Variants in TAFA1 observed in about 807,000 individuals in gnomAD.
The protein encoded by TAFA1 is TAFA chemokine like family member 1, also known as chemokine-like protein TAFA-1.
Under a neutral mutation model 18.5 loss-of-function variants are expected in TAFA1, and 4 were observed. The observed-to-expected ratio is 0.22, with a 90% CI of 0.11 to 0.49. TAFA1 has a LOEUF of 0.49. TAFA1 is among the 20% of genes least tolerant of loss of function. The pLI is 0.98. For missense variants in TAFA1, 147 were observed against 169.0 expected (o/e 0.87, Z 0.72); for synonymous variants, 56 against 55.2 (o/e 1.01, Z -0.06).
At chr3:68,190,749 G>C (rs976366430) in intron 2 of TAFA1, among the ~76,000 whole-genome samples, 1 of 151,878 alleles carries the variant, frequency 6.6e-6, no homozygotes, top group South Asian at 2.1e-4. Flanking sequence ...ACACCATGTG[G>C]GCTGTTAAGT....
intron 2 of TAFA1, among the ~76,000 whole-genome samples, chr3:68,275,902 G>C (rs1382485551): frequency 6.6e-6 from 1 of 152,074 alleles, no homozygotes; most frequent in African/African-American, 2.4e-5. Context: ...GTTTGCTAAG[G>C]ATTAGGGGCT....
intron 2 of TAFA1, among the ~76,000 whole-genome samples, chr3:68,084,612 A>G (rs2064948260): frequency 6.6e-6 from 1 of 152,128 alleles, no homozygotes; most frequent in Non-Finnish European, 1.5e-5. Context: ...AGCCTGGCTA[A>G]CATGGTGAAA....
chr3:68,245,192 T>C (rs1157956987), intron 2 of TAFA1, among the ~76,000 whole-genome samples: 1 of 152,210 alleles, frequency 6.6e-6, no homozygotes. Flanking sequence ...AATAAAATGG[T>C]AGTCTTCATC....
chr3:68,065,734 G>A (rs2064666810), intron 2 of TAFA1, among the ~76,000 whole-genome samples: 1 of 87,688 alleles, frequency 1.1e-5, no homozygotes, highest in Non-Finnish European at 2.3e-5. Context: ...GTGTATGTGT[G>A]TGTGTGTATA....
chr3:68,540,547 C>T lies in TAFA1; in HGVS notation c.384+1667C>T, dbSNP rs1230703700. Among the ~76,000 whole-genome samples, 4 of 152,138 alleles carry T rather than the reference C, an allele frequency of 2.6e-5. No homozygotes were observed. The South Asian group carries it at 6.2e-4, about 24-fold the overall frequency. ...GTTTTAAGCTATTCTGAATTATGGC[C>T]AGTATGATTGGAATCTAACCACCTT... On this transcript the variant is annotated intron_variant, in intron 4 of 4. Transcript: ENST00000478136.
chr3:68,111,114 C>T (rs868773685), intron 2 of TAFA1, among the ~76,000 whole-genome samples: 1 of 152,198 alleles, frequency 6.6e-6, no homozygotes, highest in African/African-American at 2.4e-5. Flanking sequence ...GCTACCACTA[C>T]AGATCAAATT....
intron 2 of TAFA1, among the ~76,000 whole-genome samples, chr3:68,124,975 A>T (rs1232879860): frequency 6.6e-6 from 1 of 152,208 alleles, no homozygotes; most frequent in Non-Finnish European, 1.5e-5. Context: ...GAAGCAAACA[A>T]AATCGTCATC....
chr3:68,284,126 T>A (rs368957845), intron 2 of TAFA1, among the ~76,000 whole-genome samples: 5 of 152,294 alleles, frequency 3.3e-5, no homozygotes, highest in African/African-American at 1.2e-4. Flanking sequence ...GAGATTGGAA[T>A]CTTTCTCTTT....
At chr3:68,492,760 A>C (rs2072476252) in intron 3 of TAFA1, among the ~76,000 whole-genome samples, 1 of 152,134 alleles carries the variant, frequency 6.6e-6, no homozygotes, top group Non-Finnish European at 1.5e-5. Context: ...AAAAGCTTTA[A>C]AAAAACTACC....
At chr3:68,304,499 C>A (rs1361308279) in intron 2 of TAFA1, among the ~76,000 whole-genome samples, 1 of 152,102 alleles carries the variant, frequency 6.6e-6, no homozygotes. Flanking sequence ...TGCCCACCTC[C>A]CATCTTGGGA....
intron 2 of TAFA1, among the ~76,000 whole-genome samples, chr3:68,283,668 T>C (rs1188718463): frequency 1.3e-5 from 2 of 152,164 alleles, no homozygotes; most frequent in African/African-American, 2.4e-5. Flanking sequence ...ACACAAAAGG[T>C]CTTAGCATAT....
chr3:68,194,371 T>C (rs1044138854), intron 2 of TAFA1, among the ~76,000 whole-genome samples: 3 of 151,750 alleles, frequency 2.0e-5, no homozygotes, highest in Non-Finnish European at 4.4e-5. Flanking sequence ...CACGTAGATT[T>C]TTCCGGTGTG....
intron 3 of TAFA1, among the ~76,000 whole-genome samples, chr3:68,508,664 ACTTACATT>A (rs1342325752): frequency 6.6e-6 from 1 of 152,108 alleles, no homozygotes; most frequent in East Asian, 1.9e-4. Flanking sequence ...TCCTTGAGAA[ACTTACATT>A]CTTATGAGGG....
chr3:68,443,928 A>C (rs2071431269), intron 3 of TAFA1, among the ~76,000 whole-genome samples: 1 of 152,174 alleles, frequency 6.6e-6, no homozygotes, highest in Non-Finnish European at 1.5e-5. Context: ...GCAATTTTAA[A>C]ACTCCCTTTC....
intron 2 of TAFA1, among the ~76,000 whole-genome samples, chr3:68,295,468 G>C (rs1037479489): frequency 2.6e-5 from 4 of 152,040 alleles, no homozygotes; most frequent in Non-Finnish European, 4.4e-5. Flanking sequence ...TGACAACACA[G>C]TCTTAGTGCT....
intron 2 of TAFA1, among the ~76,000 whole-genome samples, chr3:68,414,665 A>G (rs1023987831): frequency 3.9e-5 from 6 of 152,184 alleles, no homozygotes; most frequent in Admixed American, 1.3e-4. Flanking sequence ...CAAGAGTAGC[A>G]GAGAACCATT....
At chr3:68,296,158 A>G (rs1403074297) in intron 2 of TAFA1, among the ~76,000 whole-genome samples, 2 of 152,212 alleles carry the variant, frequency 1.3e-5, no homozygotes, top group Non-Finnish European at 2.9e-5. Flanking sequence ...TATGTGAGCT[A>G]CAACTTTACC....
intron 2 of TAFA1, among the ~76,000 whole-genome samples, chr3:68,079,524 G>A (rs28795784): frequency 1.2e-4 from 19 of 152,004 alleles, no homozygotes; most frequent in African/African-American, 2.2e-4. Context: ...CTTTGTTCTC[G>A]TTGGTTTCAA....
intron 2 of TAFA1, among the ~76,000 whole-genome samples, chr3:68,349,975 C>T (rs112771732): frequency 2.6e-5 from 4 of 152,234 alleles, no homozygotes; most frequent in African/African-American, 4.8e-5. Context: ...GAACTCCCAA[C>T]CCAGTTTACT....
Sources: gnomAD v4.1 joint callset for allele counts (sites outside exome capture counted in the v4.1 genomes callset) on GRCh38, gnomAD v4.1.1 for gene constraint, MANE v1.5 for transcripts, NCBI Gene and HGNC (gene_info 2026-07-23, HGNC 2026-07-21) for gene names.